Variants in GRB10 observed in about 807,000 individuals in gnomAD.
GRB10 encodes the protein growth factor receptor bound protein 10.
A neutral mutation model predicts 80.9 loss-of-function variants in GRB10; 20 were observed. The ratio of observed to expected loss-of-function variants is 0.25; its 90% CI spans 0.17 to 0.36. The LOEUF (loss-of-function observed/expected upper bound fraction) is 0.36, where lower values mean the gene tolerates loss of function less well. GRB10 is among the 10% of genes least tolerant of loss of function. The pLI, the probability that GRB10 is intolerant of heterozygous loss-of-function variation, is 1.00. For synonymous variants in GRB10, 291 were observed against 291.5 expected (o/e 1.00, Z 0.02); for missense variants, 548 against 747.7 (o/e 0.73, Z 3.12).
At chr7:50,620,473 AGATGAGCCCC>A (rs3216240) in intron 8 of GRB10, among the ~76,000 whole-genome samples, 53,174 of 151,886 alleles carry the variant, frequency 0.35, 10,305 homozygotes, top group Non-Finnish European at 0.44. Flanking sequence ...CACTCATCTC[AGATGAGCCCC>A]GACCGGCATG....
Position 50,614,849 on chromosome 7 carries a change from A to G in GRB10, c.1016T>C (p.Leu339Pro). ...CAGGGAGAAGATGTTGCTGTCCTCCAGGTCGGCCAGCAGCTGCAGGTGTCT... is the reference window on the plus strand; with the variant it reads ...CAGGGAGAAGATGTTGCTGTCCTCCGGGTCGGCCAGCAGCTGCAGGTGTCT... ...EPRHLQLLAD[L>P]EDSNIFSLIA... Residue 339 changes from leucine (L) to proline (P), a missense_variant, in exon 12 of 19, where the codon CTG (leucine) becomes CCG (proline). Around this residue, in one of 4 missense-constraint regions of GRB10, gnomAD observed 270 missense variants for 433.6 expected, o/e 0.62. Transcript: ENST00000401949. The G allele has an allele frequency of 6.2e-7, 1 of 1,613,946 alleles. No individual in the cohort carries two copies. Among genetic ancestry groups the G allele is most frequent in the Non-Finnish European group, 8.5e-7 (1 of 1,179,890 alleles).
intron 5 of GRB10, among the ~76,000 whole-genome samples, chr7:50,698,725 T>G (rs558846993): frequency 6.6e-6 from 1 of 152,282 alleles, no homozygotes; most frequent in Non-Finnish European, 1.5e-5. Flanking sequence ...TATCTGATAG[T>G]GCAAATCAAT....
rs116419642 is a variant in GRB10, at chr7:50,612,487, G to T, written c.1194+254C>A. On this transcript the variant is annotated intron_variant, in intron 13 of 18. Transcript: ENST00000401949. ...GGATGTCCCCCAGACCCCCGACAAA[G>T]AATTATTCTACCCAAAATGTCAGTA... is the stretch of plus-strand genomic sequence containing the variant. Among the ~76,000 whole-genome samples, 822 of 152,208 alleles carry T rather than the reference G, an allele frequency of 5.4e-3. 10 individuals are homozygous for T. Among genetic ancestry groups the T allele is most frequent in the African/African-American group, 0.019 (778 of 41,526 alleles).
At chr7:50,649,478 G>A (rs2057708673) in intron 7 of GRB10, among the ~76,000 whole-genome samples, 1 of 152,222 alleles carries the variant, frequency 6.6e-6, no homozygotes, top group African/African-American at 2.4e-5. Context: ...AAGAAGGCCA[G>A]GGCAGCTAGA....
intron 8 of GRB10, among the ~76,000 whole-genome samples, chr7:50,621,716 T>TC (rs2051790948): frequency 6.6e-6 from 1 of 152,258 alleles, no homozygotes; most frequent in African/African-American, 2.4e-5. Flanking sequence ...TGCATATGAT[T>TC]ACAATGGCCT....
At chr7:50,716,601 A>G (rs950341104) in intron 4 of GRB10, among the ~76,000 whole-genome samples, 3 of 152,260 alleles carry the variant, frequency 2.0e-5, no homozygotes, top group Non-Finnish European at 4.4e-5. Context: ...AAAGCAAAGC[A>G]TGAGTGATAA....
chr7:50,766,399 T>C (rs980893116), intron 2 of GRB10, among the ~76,000 whole-genome samples: 62 of 152,356 alleles, frequency 4.1e-4, no homozygotes, highest in African/African-American at 1.4e-3. Flanking sequence ...TGAAAGACTT[T>C]GCCCTTCTAT....
At chr7:50,757,467 G>A (rs2075241063) in intron 2 of GRB10, among the ~76,000 whole-genome samples, 1 of 152,168 alleles carries the variant, frequency 6.6e-6, no homozygotes, top group South Asian at 2.1e-4. Flanking sequence ...ATGTTTAAAG[G>A]GGATGCTGGT....
intron 2 of GRB10, among the ~76,000 whole-genome samples, chr7:50,764,474 G>C (rs980836977): frequency 2.6e-5 from 4 of 152,184 alleles, no homozygotes; most frequent in African/African-American, 9.7e-5. Context: ...AAAAATGCCT[G>C]GACAGGAGCC....
intron 5 of GRB10, among the ~76,000 whole-genome samples, chr7:50,675,356 A>C (rs1048246340): frequency 6.6e-6 from 1 of 152,224 alleles, no homozygotes. Flanking sequence ...CGGAAAACGC[A>C]CTGTAGAAAG....
chr7:50,659,983 C>T (rs1450969683), intron 7 of GRB10, among the ~76,000 whole-genome samples: 6 of 152,222 alleles, frequency 3.9e-5, no homozygotes, highest in African/African-American at 1.4e-4. Context: ...TCTAAACCCA[C>T]TTTTTGTGAT....
chr7:50,605,142 A>C (rs2048305097), intron 15 of GRB10, 148 bp downstream of exon 15: 1 of 645,166 alleles, frequency 1.5e-6, no homozygotes, highest in Non-Finnish European at 2.7e-6. Context: ...TAGAAGGGCC[A>C]ACTGCTTCCT....
chr7:50,700,531 ATAAT>A (rs1337537015), intron 5 of GRB10, among the ~76,000 whole-genome samples: 4 of 152,144 alleles, frequency 2.6e-5, no homozygotes, highest in African/African-American at 9.7e-5. Context: ...TTTAATTTTT[ATAAT>A]TAATTCCTTC....
chr7:50,723,201 A>C (rs1426384295), intron 4 of GRB10, among the ~76,000 whole-genome samples: 1 of 152,180 alleles, frequency 6.6e-6, no homozygotes, highest in East Asian at 1.9e-4. Flanking sequence ...CAGTGAAGCA[A>C]TGATGTCCTT....
intron 5 of GRB10, among the ~76,000 whole-genome samples, chr7:50,691,454 C>G (rs941619023): frequency 2.0e-5 from 3 of 152,140 alleles, no homozygotes; most frequent in Non-Finnish European, 4.4e-5. Context: ...ATTGTGCCTA[C>G]CTCATAGGAT....
At chr7:50,642,068 A>G (rs2056359361) in intron 7 of GRB10, among the ~76,000 whole-genome samples, 1 of 152,140 alleles carries the variant, frequency 6.6e-6, no homozygotes, top group African/African-American at 2.4e-5. Context: ...TAGCTTGCTG[A>G]GTGTCTGGGA....
intron 13 of GRB10, chr7:50,606,810 T>C: frequency 3.8e-6 from 1 of 264,850 alleles, no homozygotes; most frequent in South Asian, 4.4e-5. Context: ...CTGTACTGCA[T>C]TCGATTCTGT....
chr7:50,643,156 CTT>C (rs1269330654), intron 7 of GRB10, among the ~76,000 whole-genome samples: 1 of 152,124 alleles, frequency 6.6e-6, no homozygotes, highest in Admixed American at 6.5e-5. Flanking sequence ...GAAAGGCCAA[CTT>C]TTTGTAAATT....
chr7:50,770,718 C>T (rs6966774), intron 2 of GRB10, among the ~76,000 whole-genome samples: 93,738 of 151,832 alleles, frequency 0.62, 31,821 homozygotes, highest in Middle Eastern at 0.87. Context: ...TTAAAGCAGA[C>T]ATTAAAGGGA....
Sources: allele counts gnomAD v4.1 joint callset (sites outside exome capture counted in the v4.1 genomes callset), GRCh38; gene constraint gnomAD v4.1.1; regional missense constraint gnomAD v4.1.1; transcripts MANE v1.5; gene names NCBI Gene and HGNC (gene_info 2026-07-23, HGNC 2026-07-21).